Variants in DPP10 observed in about 807,000 individuals in gnomAD.
DPP10 encodes dipeptidyl peptidase like 10.
Under a neutral mutation model 120.9 loss-of-function variants are expected in DPP10, and 33 were observed. The observed-to-expected ratio is 0.27, with a 90% CI of 0.21 to 0.37. The LOEUF is 0.37. Among genes scored for constraint, DPP10 ranks in the 10% least tolerant of loss-of-function variants. The pLI is 1.00. For missense variants in DPP10, 816 were observed against 942.8 expected (o/e 0.87, Z 1.76); for synonymous variants, 337 against 326.1 (o/e 1.03, Z -0.36).
chr2:115,161,280 G>C (rs6729043), intron 1 of DPP10: 69,325 of 152,326 alleles, frequency 0.46, 15,808 homozygotes, highest in Non-Finnish European at 0.48. Context: ...CGGGGCTCCG[G>C]GACCCCGGTC....
intron 3 of DPP10, among the ~76,000 whole-genome samples, chr2:115,494,273 C>G (rs562180715): frequency 6.6e-6 from 1 of 152,024 alleles, no homozygotes; most frequent in Admixed American, 6.6e-5. Context: ...TTTTTTGAAG[C>G]AGAAATAAAA....
intron 1 of DPP10, among the ~76,000 whole-genome samples, chr2:114,453,212 A>C (rs1220741991): frequency 6.6e-6 from 1 of 152,172 alleles, no homozygotes; most frequent in African/African-American, 2.4e-5. Flanking sequence ...AAAATAGGCA[A>C]TGCCATGATC....
intron 1 of DPP10, among the ~76,000 whole-genome samples, chr2:115,167,599 C>A (rs1350400598): frequency 7.6e-6 from 1 of 131,722 alleles, no homozygotes. Context: ...AGAACGAGAC[C>A]GTCTCAAAAA....
At chr2:114,657,482 G>T (rs777438371) in intron 1 of DPP10, among the ~76,000 whole-genome samples, 1 of 152,074 alleles carries the variant, frequency 6.6e-6, no homozygotes, top group African/African-American at 2.4e-5. Context: ...CAGCTTGTCA[G>T]CTCCATATAC....
At chr2:114,751,453 C>A (rs2106042653) in intron 1 of DPP10, among the ~76,000 whole-genome samples, 1 of 152,314 alleles carries the variant, frequency 6.6e-6, no homozygotes, top group Non-Finnish European at 1.5e-5. Context: ...TGAGAAATGA[C>A]CTTCTGTGGA....
At chr2:115,206,704 A>G (rs1162270362) in intron 1 of DPP10, among the ~76,000 whole-genome samples, 1 of 152,078 alleles carries the variant, frequency 6.6e-6, no homozygotes, top group Non-Finnish European at 1.5e-5. Context: ...CCATTTTATT[A>G]TTCCATTTAG....
chr2:115,736,895 A>G (rs190307690), intron 8 of DPP10, among the ~76,000 whole-genome samples: 2 of 152,168 alleles, frequency 1.3e-5, no homozygotes, highest in East Asian at 3.9e-4. Flanking sequence ...CTAGTTTTCT[A>G]ATTTTACTTT....
chr2:115,224,644 G>A (rs2057344717), intron 1 of DPP10, among the ~76,000 whole-genome samples: 1 of 152,074 alleles, frequency 6.6e-6, no homozygotes, highest in Non-Finnish European at 1.5e-5. Context: ...TTATATATTT[G>A]AAAATCACTA....
chr2:115,605,925 A>T (rs2083677757), intron 5 of DPP10, among the ~76,000 whole-genome samples: 1 of 152,094 alleles, frequency 6.6e-6, no homozygotes, highest in African/African-American at 2.4e-5. Flanking sequence ...TCCAAACTCC[A>T]AGTTATCATG....
chr2:114,680,681 C>T (rs138173904), intron 1 of DPP10, among the ~76,000 whole-genome samples: 4 of 151,968 alleles, frequency 2.6e-5, no homozygotes, highest in African/African-American at 9.6e-5. Flanking sequence ...GAATATAGTC[C>T]TGAAGAAAAT....
chr2:115,230,820 T>A (rs972370207), intron 1 of DPP10, among the ~76,000 whole-genome samples: 4 of 152,146 alleles, frequency 2.6e-5, no homozygotes, highest in African/African-American at 7.2e-5. Context: ...ACATGGCTCA[T>A]AGTTTGCTGG....
chr2:114,641,144 G>A (rs1166379259), intron 1 of DPP10, among the ~76,000 whole-genome samples: 3 of 151,654 alleles, frequency 2.0e-5, no homozygotes, highest in Non-Finnish European at 1.5e-5. Flanking sequence ...ACAATAAAAC[G>A]GTGGCTCAGA....
chr2:114,823,259 G>A (rs1686247172), intron 1 of DPP10, among the ~76,000 whole-genome samples: 1 of 152,138 alleles, frequency 6.6e-6, no homozygotes, highest in Non-Finnish European at 1.5e-5. Flanking sequence ...AAGAGAATGA[G>A]TGCCAAACAA....
intron 2 of DPP10, among the ~76,000 whole-genome samples, chr2:115,328,688 A>C (rs923063354): frequency 6.6e-6 from 1 of 152,092 alleles, no homozygotes; most frequent in Non-Finnish European, 1.5e-5. Context: ...AAACATGCCA[A>C]AGCAGCATTT....
intron 1 of DPP10, among the ~76,000 whole-genome samples, chr2:114,779,173 A>C (rs1291634790): frequency 2.0e-5 from 3 of 151,968 alleles, no homozygotes; most frequent in Non-Finnish European, 4.4e-5. Context: ...AAACTTCCAG[A>C]CTACACAGAA....
intron 1 of DPP10, among the ~76,000 whole-genome samples, chr2:114,578,940 T>C (rs943945725): frequency 2.0e-5 from 3 of 152,312 alleles, no homozygotes; most frequent in East Asian, 1.9e-4. Flanking sequence ...AAAATTAAAG[T>C]TGGATCTAAC....
chr2:115,558,190 G>A (rs569381743), intron 5 of DPP10, among the ~76,000 whole-genome samples: 1 of 152,256 alleles, frequency 6.6e-6, no homozygotes, highest in African/African-American at 2.4e-5. Flanking sequence ...GGATTCAGAG[G>A]GGCAGCTGGA....
intron 1 of DPP10, among the ~76,000 whole-genome samples, chr2:114,572,887 G>A (rs1231005838): frequency 2.6e-5 from 4 of 152,234 alleles, no homozygotes; most frequent in East Asian, 1.9e-4. Context: ...CTACTCTACC[G>A]TTCTCGAGAA....
At chr2:114,769,386 C>G (rs1428385969) in intron 1 of DPP10, among the ~76,000 whole-genome samples, 1 of 152,126 alleles carries the variant, frequency 6.6e-6, no homozygotes, top group Non-Finnish European at 1.5e-5. Flanking sequence ...CCTCCGCAAG[C>G]TAGTGGTGGT....
Sources: gnomAD v4.1 joint callset for allele counts (sites outside exome capture counted in the v4.1 genomes callset) on GRCh38, gnomAD v4.1.1 for gene constraint, MANE v1.5 for transcripts, NCBI Gene and HGNC (gene_info 2026-07-23, HGNC 2026-07-21) for gene names.